Variants in ARRB1 observed in about 807,000 individuals in gnomAD.
ARRB1 encodes the protein beta-arrestin-1.
Under a neutral mutation model 56.8 loss-of-function variants are expected in ARRB1, and 21 were observed. That is an observed-to-expected ratio of 0.37 (90% confidence interval 0.26 to 0.53). ARRB1 has a LOEUF of 0.53. Among genes scored for constraint, ARRB1 ranks in the 20% least tolerant of loss-of-function variants. The pLI, the probability that ARRB1 is intolerant of heterozygous loss-of-function variation, is 0.88. For missense variants in ARRB1, 424 were observed against 553.7 expected (o/e 0.77, Z 2.35); for synonymous variants, 210 against 218.6 (o/e 0.96, Z 0.35).
At chr11:75,313,610 G>A (rs976988548) in intron 1 of ARRB1, among the ~76,000 whole-genome samples, 2 of 152,332 alleles carry the variant, frequency 1.3e-5, no homozygotes, top group South Asian at 2.1e-4. Flanking sequence ...GCAGGGAGGC[G>A]TGTGACACAC....
intron 1 of ARRB1, among the ~76,000 whole-genome samples, chr11:75,304,156 GGTTT>G (rs1395398517): frequency 6.6e-6 from 1 of 151,986 alleles, no homozygotes; most frequent in African/African-American, 2.4e-5. Flanking sequence ...GTTTTTGTTT[GGTTT>G]GTTTGTTTTG....
At chr11:75,297,951 C>T (rs1436431376) in intron 1 of ARRB1, among the ~76,000 whole-genome samples, 1 of 99,826 alleles carries the variant, frequency 1.0e-5, no homozygotes, top group East Asian at 2.7e-4. Flanking sequence ...TAGCAGAAAA[C>T]GTTAAGTGTA....
chr11:75,281,102 T>G lies in ARRB1; in HGVS notation c.455A>C (p.Glu152Ala). 1 of 1,603,538 alleles carries G rather than the reference T, an allele frequency of 6.2e-7. No homozygotes were observed. Among genetic ancestry groups the G allele is most frequent in the Non-Finnish European group, 8.5e-7 (1 of 1,174,844 alleles). The change falls in exon 7 of 16, where the codon GAG (glutamate) becomes GCG (alanine). Residue 152 changes from glutamate to alanine, a missense_variant. Coordinates refer to ENST00000420843, the MANE Select transcript of ARRB1 (RefSeq NM_004041.5). ...VDYEVKAFCA[E>A]NLEEKIHKRN... The stretch of plus-strand genomic sequence containing the variant: ...CTTGTGGATCTTCTCCTCCAAATTC[T>G]CCGCGCAGAAGGCTTTGACTTCATA...
chr11:75,330,495 A>G (rs774038605), intron 1 of ARRB1, among the ~76,000 whole-genome samples: 2 of 152,136 alleles, frequency 1.3e-5, no homozygotes, highest in Non-Finnish European at 2.9e-5. Flanking sequence ...CCTCCTAAGG[A>G]CAAGTTATTT....
intron 1 of ARRB1, among the ~76,000 whole-genome samples, chr11:75,294,960 A>G (rs1448457442): frequency 1.3e-5 from 2 of 152,120 alleles, no homozygotes; most frequent in Non-Finnish European, 2.9e-5. Flanking sequence ...GTGGTGGCTC[A>G]TGCCTGTAAT....
rs538080226 is a variant in ARRB1, at chr11:75,303,651, G to A, written c.21-13612C>T. On this transcript the variant is annotated intron_variant, in intron 1 of 15. Coordinates refer to ENST00000420843, the MANE Select transcript of ARRB1 (RefSeq NM_004041.5). ...GTGTTGTTTCCCCAGAGCACCTACA[G>A]GGCAGCGGAAGGCAGACACTCAGTG... is the stretch of plus-strand genomic sequence containing the variant. The A allele has an allele frequency of 4.0e-4, 182 of 456,296 alleles. 1 individual carries two copies. The highest frequency in any genetic ancestry group is 2.7e-3 in the South Asian group (176 of 64,578). 28.3% of individuals were successfully genotyped at this position (456,296 alleles called of 1,614,324 possible).
At chr11:75,277,253 G>C (rs754360366) in intron 9 of ARRB1, 111 bp downstream of exon 9, 23 of 1,155,322 alleles carry the variant, frequency 2.0e-5, no homozygotes, top group Non-Finnish European at 2.9e-5. Context: ...CTGGGCTTCA[G>C]TGGCTATTTT....
rs1946387131 is a variant in ARRB1, at chr11:75,283,151, GC to G, written c.354+135del. ...CTTACCAGGTAACACAGGTGACAGTGCCCCAGGTCCCAGCATACACTGGGAA... is the reference window on the plus strand; with the variant it reads ...CTTACCAGGTAACACAGGTGACAGTGCCCAGGTCCCAGCATACACTGGGAA... On this transcript the variant is annotated intron_variant, in intron 5 of 15. Coordinates refer to ENST00000420843, the MANE Select transcript of ARRB1 (RefSeq NM_004041.5). The G allele has an allele frequency of 2.1e-5, 19 of 897,262 alleles. No homozygotes were observed. The East Asian group carries it at 5.0e-4, about 23-fold the overall frequency. The allele number at this position is 897,262 out of a possible 1,614,324, so 55.6% of individuals were successfully genotyped here.
rs34601759 is a variant in ARRB1, at chr11:75,264,088, G to A, written c.*2075C>T. 1 of 152,276 alleles carries A rather than the reference G, an allele frequency of 6.6e-6. No homozygotes were observed. The highest frequency in any genetic ancestry group is 1.9e-4 in the East Asian group (1 of 5,192). The allele number at this position is 152,276 out of a possible 1,614,324, so 9.4% of individuals were successfully genotyped here. ...TCTAGGAGGGGCTGGATGCCTGGGG[G>A]ACCTGCAACTAGGCCCTCAAGACTG... On this transcript the variant is annotated 3_prime_UTR_variant, in exon 16 of 16. Coordinates refer to ENST00000420843, the MANE Select transcript of ARRB1 (RefSeq NM_004041.5).
At chr11:75,333,210 A>G (rs1372652953) in intron 1 of ARRB1, among the ~76,000 whole-genome samples, 2 of 152,258 alleles carry the variant, frequency 1.3e-5, no homozygotes, top group Non-Finnish European at 2.9e-5. Flanking sequence ...CTCTGAAGAA[A>G]AAAACAAAGC....
In ARRB1 at chr11:75,282,010, G is replaced by A. The variant is rs776516816; in HGVS notation, c.366C>T (p.Asn122=). Residue 122 remains asparagine (N), a synonymous_variant, in exon 6 of 16, where the codon AAC becomes AAT. Transcript: ENST00000420843. The part of the protein sequence containing the change: ...AYPFTFEIPP[N]LPCSVTLQPG... ...GCTGCAGTGTCACAGAACATGGAAGGTTTGGAGGGATCTGTCAAGAAGAGG... is the reference window on the plus strand; with the variant it reads ...GCTGCAGTGTCACAGAACATGGAAGATTTGGAGGGATCTGTCAAGAAGAGG... 2 of 1,614,102 alleles carry A rather than the reference G, an allele frequency of 1.2e-6. No homozygotes were observed. Among genetic ancestry groups the A allele is most frequent in the Non-Finnish European group, 1.7e-6 (2 of 1,179,988 alleles).
intron 1 of ARRB1, among the ~76,000 whole-genome samples, chr11:75,295,182 A>G (rs1383692336): frequency 1.1e-4 from 16 of 139,654 alleles, no homozygotes; most frequent in African/African-American, 4.1e-4. Flanking sequence ...AGATTGTGCC[A>G]CTGCACTTGA....
chr11:75,312,246 G>A, intron 1 of ARRB1: 1 of 945,936 alleles, frequency 1.1e-6, no homozygotes, highest in Non-Finnish European at 1.5e-6. Context: ...ACTGAGAACA[G>A]GCCTGCCCCT....
At chr11:75,276,561 T>C (rs1453412777) in intron 10 of ARRB1, among the ~76,000 whole-genome samples, 2 of 152,208 alleles carry the variant, frequency 1.3e-5, no homozygotes, top group Non-Finnish European at 2.9e-5. Flanking sequence ...TTATTTCTTC[T>C]CACAACCCCA....
At chr11:75,289,230 T>A (rs929273998) in intron 2 of ARRB1, among the ~76,000 whole-genome samples, 2 of 152,186 alleles carry the variant, frequency 1.3e-5, no homozygotes, top group Non-Finnish European at 2.9e-5. Context: ...AGCCTCAGCC[T>A]CTCTCTTGGC....
At position 75,289,394 on chromosome 11, in the gene ARRB1, C is replaced by T. The variant is rs574939929; in HGVS notation, c.51+615G>A. Reference sequence around the variant, plus strand: ...TCCTGCAGCCCCAATGGCCCCGTATCTCCCCTCTGCCACTTCATGTTGAAA... The same window carrying T: ...TCCTGCAGCCCCAATGGCCCCGTATTTCCCCTCTGCCACTTCATGTTGAAA... On this transcript the variant is annotated intron_variant, in intron 2 of 15. Coordinates refer to ENST00000420843, the MANE Select transcript of ARRB1 (RefSeq NM_004041.5). Among the ~76,000 whole-genome samples, 7 of 152,372 alleles carry T rather than the reference C, an allele frequency of 4.6e-5. No individual in the cohort carries two copies. The East Asian group carries it at 1.3e-3, about 29-fold the overall frequency.
intron 1 of ARRB1, among the ~76,000 whole-genome samples, chr11:75,314,786 T>C (rs1947234872): frequency 6.6e-6 from 1 of 151,252 alleles, no homozygotes; most frequent in African/African-American, 2.4e-5. Context: ...TTTGTATTTT[T>C]TGTAGCGATG....
chr11:75,316,298 G>A (rs200364396), intron 1 of ARRB1, among the ~76,000 whole-genome samples: 1 of 151,576 alleles, frequency 6.6e-6, no homozygotes, highest in Non-Finnish European at 1.5e-5. Context: ...TTGCACTCCA[G>A]CCTGGGTGAC....
chr11:75,304,953 ACAAT>A (rs1173473600), intron 1 of ARRB1, among the ~76,000 whole-genome samples: 3 of 151,808 alleles, frequency 2.0e-5, no homozygotes, highest in African/African-American at 7.3e-5. Context: ...ATGTGAACTT[ACAAT>A]TAAATAAACT....
Sources: allele counts gnomAD v4.1 joint callset (sites outside exome capture counted in the v4.1 genomes callset), GRCh38; gene constraint gnomAD v4.1.1; transcripts MANE v1.5; gene names NCBI Gene and HGNC (gene_info 2026-07-23, HGNC 2026-07-21).